The following GNAQ variants were observed in gnomAD, a reference collection of about 807,000 sequenced individuals.
The protein encoded by GNAQ is guanine nucleotide-binding protein G(q) subunit alpha.
A neutral mutation model predicts 43.9 loss-of-function variants in GNAQ; 8 were observed. The ratio of observed to expected loss-of-function variants is 0.18; its 90% CI spans 0.11 to 0.33. GNAQ has a LOEUF of 0.33. Among genes scored for constraint, GNAQ ranks in the 10% least tolerant of loss-of-function variants. The pLI, the probability that GNAQ is intolerant of heterozygous loss-of-function variation, is 1.00. For missense variants in GNAQ, 158 were observed against 450.8 expected (o/e 0.35, Z 5.88); for synonymous variants, 155 against 170.7 (o/e 0.91, Z 0.71).
intron 2 of GNAQ, among the ~76,000 whole-genome samples, chr9:77,839,177 C>A (rs977823958): frequency 3.9e-5 from 6 of 152,150 alleles, no homozygotes; most frequent in Non-Finnish European, 8.8e-5. Flanking sequence ...GCTGCTACAG[C>A]AGCTGGTGAA....
rs183937619 is a variant in GNAQ at position 77,811,546 on chromosome 9, A to G, written c.476+4070T>C. Reference sequence around the variant, plus strand: ...GCGATGTTTAACATATGGGACCTACATCTTTGCCAGTGCTGTCGTATTTGC... The same window carrying G: ...GCGATGTTTAACATATGGGACCTACGTCTTTGCCAGTGCTGTCGTATTTGC... On this transcript the variant is annotated intron_variant, in intron 3 of 6. Coordinates refer to ENST00000286548, the MANE Select transcript of GNAQ (RefSeq NM_002072.5). Among the ~76,000 whole-genome samples the G allele has an allele frequency of 3.3e-5, 5 of 152,266 alleles. 1 individual carries two copies. Among genetic ancestry groups the G allele is most frequent in the Admixed American group, 3.3e-4 (5 of 15,294 alleles).
intron 2 of GNAQ, among the ~76,000 whole-genome samples, chr9:77,864,138 A>T (rs2117994370): frequency 6.6e-6 from 1 of 151,548 alleles, no homozygotes; most frequent in South Asian, 2.1e-4. Flanking sequence ...GCAAGAGAGG[A>T]AGGAAGAAAG....
chr9:77,808,609 G>C (rs1419595466), intron 3 of GNAQ, among the ~76,000 whole-genome samples: 2 of 152,014 alleles, frequency 1.3e-5, no homozygotes, highest in Non-Finnish European at 2.9e-5. Context: ...TAAGGTGCCA[G>C]GTTTTCATTT....
chr9:77,950,835 C>A (rs548290545), intron 1 of GNAQ, among the ~76,000 whole-genome samples: 1 of 152,140 alleles, frequency 6.6e-6, no homozygotes, highest in Admixed American at 6.5e-5. Flanking sequence ...ATCAATCAAT[C>A]AATAGGGCCC....
intron 1 of GNAQ, among the ~76,000 whole-genome samples, chr9:77,927,280 A>G (rs540622521): frequency 2.0e-5 from 3 of 152,342 alleles, no homozygotes; most frequent in African/African-American, 7.2e-5. Flanking sequence ...TTTTAAATCC[A>G]ATCATATGTA....
intron 1 of GNAQ, among the ~76,000 whole-genome samples, chr9:78,000,170 G>T (rs1280520754): frequency 6.6e-6 from 1 of 152,122 alleles, no homozygotes; most frequent in Non-Finnish European, 1.5e-5. Flanking sequence ...GAATTAAAAA[G>T]AGGGTAATTA....
intron 2 of GNAQ, among the ~76,000 whole-genome samples, chr9:77,899,222 G>A (rs552151937): frequency 1.2e-3 from 186 of 151,914 alleles, no homozygotes; most frequent in African/African-American, 4.2e-3. Context: ...TCAGCCTCCC[G>A]AGTAGCTAGG....
intron 1 of GNAQ, among the ~76,000 whole-genome samples, chr9:77,977,662 T>A (rs1823321373): frequency 6.6e-6 from 1 of 152,228 alleles, no homozygotes; most frequent in African/African-American, 2.4e-5. Context: ...AGCGGGGTTC[T>A]GCAACCCTGG....
At chr9:77,771,912 A>AAC (rs1012754272) in intron 5 of GNAQ, among the ~76,000 whole-genome samples, 22 of 138,208 alleles carry the variant, frequency 1.6e-4, no homozygotes, top group African/African-American at 5.9e-4. Context: ...CAAAAACAAC[A>AAC]AAAAAAAACC....
rs542207227 is a variant in GNAQ, at chr9:77,843,300, TAA to T, written c.322-27532_322-27531del. On this transcript the variant is annotated intron_variant, in intron 2 of 6. Transcript: ENST00000286548. Reference sequence around the variant, plus strand: ...GTGGAGCATTAGGCGGGAGGGAGGCTAAACTGTCCTAGAGACAGCAAGGAGGC... The same window carrying T: ...GTGGAGCATTAGGCGGGAGGGAGGCTACTGTCCTAGAGACAGCAAGGAGGC... Among the ~76,000 whole-genome samples, 18 of 152,250 alleles carry T rather than the reference TAA, an allele frequency of 1.2e-4. No homozygotes were observed. The East Asian group carries it at 2.7e-3, about 23-fold the overall frequency.
chr9:77,934,954 G>A (rs1261558028), intron 1 of GNAQ, among the ~76,000 whole-genome samples: 1 of 152,056 alleles, frequency 6.6e-6, no homozygotes, highest in Admixed American at 6.6e-5. Context: ...GTGGAACCCC[G>A]TCAATACTAA....
intron 5 of GNAQ, among the ~76,000 whole-genome samples, chr9:77,750,497 T>C (rs1825796392): frequency 6.6e-6 from 1 of 152,218 alleles, no homozygotes; most frequent in South Asian, 2.1e-4. Context: ...TTAGAAAATT[T>C]ATGAGTCAGT....
intron 2 of GNAQ, among the ~76,000 whole-genome samples, chr9:77,898,004 TAAG>T (rs1354800785): frequency 3.3e-5 from 5 of 149,978 alleles, no homozygotes; most frequent in Non-Finnish European, 5.9e-5. Context: ...AAGTGAATTG[TAAG>T]AAGGGCCAAG....
intron 2 of GNAQ, among the ~76,000 whole-genome samples, chr9:77,899,877 A>G (rs1241557335): frequency 6.6e-6 from 1 of 152,244 alleles, no homozygotes; most frequent in Non-Finnish European, 1.5e-5. Context: ...CAGCAAGAAC[A>G]AAGACATGAT....
At chr9:77,992,896 G>A (rs920409435) in intron 1 of GNAQ, among the ~76,000 whole-genome samples, 1 of 152,134 alleles carries the variant, frequency 6.6e-6, no homozygotes, top group Non-Finnish European at 1.5e-5. Context: ...AGCGAGCCGA[G>A]ATCAAGCCAC....
chr9:77,732,569 T>C (rs1336788919), intron 5 of GNAQ, among the ~76,000 whole-genome samples: 1 of 152,206 alleles, frequency 6.6e-6, no homozygotes, highest in Non-Finnish European at 1.5e-5. Context: ...TTTCACCATG[T>C]TGGCCAGGCT....
chr9:77,886,639 A>G (rs1828311282), intron 2 of GNAQ, among the ~76,000 whole-genome samples: 1 of 152,222 alleles, frequency 6.6e-6, no homozygotes. Flanking sequence ...CAAATGAAAG[A>G]GTAAATGATG....
intron 5 of GNAQ, among the ~76,000 whole-genome samples, chr9:77,782,046 T>C (rs1826402060): frequency 6.6e-6 from 1 of 151,932 alleles, no homozygotes; most frequent in African/African-American, 2.4e-5. Flanking sequence ...AAATAAAAGG[T>C]ACACAGATTG....
intron 3 of GNAQ, among the ~76,000 whole-genome samples, chr9:77,803,675 G>A (rs1199611357): frequency 6.6e-6 from 1 of 152,208 alleles, no homozygotes; most frequent in Non-Finnish European, 1.5e-5. Context: ...TTATCAATTT[G>A]TGGGGAAATA....
Sources: allele counts gnomAD v4.1 joint callset (sites outside exome capture counted in the v4.1 genomes callset), GRCh38; gene constraint gnomAD v4.1.1; transcripts MANE v1.5; gene names NCBI Gene and HGNC (gene_info 2026-07-23, HGNC 2026-07-21).